Variants in GK observed in about 807,000 individuals in gnomAD.
GK encodes glycerol kinase, also known as ATP:glycerol 3-phosphotransferase.
Under a neutral mutation model 56.4 loss-of-function variants are expected in GK, and 9 were observed. That is an observed-to-expected ratio of 0.16 (90% confidence interval 0.10 to 0.28). The LOEUF (loss-of-function observed/expected upper bound fraction) is 0.28, where lower values mean the gene tolerates loss of function less well. GK is among the 10% of genes least tolerant of loss of function. The pLI, the probability that GK is intolerant of heterozygous loss-of-function variation, is 1.00. For synonymous variants in GK, 104 were observed against 144.1 expected (o/e 0.72, Z 1.99); for missense variants, 161 against 431.4 (o/e 0.37, Z 5.55).
At chrX:30,722,789 G>T (rs191649234) in intron 18 of GK, among the ~76,000 whole-genome samples, 5 of 110,749 alleles carry the variant, frequency 4.5e-5, no homozygotes, top group African/African-American at 9.9e-5. Context: ...GAAGAGAGAG[G>T]GGGGGATAGA....
At chrX:30,699,194 T>A (rs867487051) in intron 9 of GK, among the ~76,000 whole-genome samples, 2 of 98,370 alleles carry the variant, frequency 2.0e-5, no homozygotes, top group Non-Finnish European at 4.0e-5. Flanking sequence ...TATATATGTT[T>A]TATATATATG....
At chrX:30,677,304 A>G (rs1933973984) in intron 3 of GK, 71 bp from the exon 4 acceptor site, 1 of 585,635 alleles carries the variant, frequency 1.7e-6, no homozygotes, top group Non-Finnish European at 3.1e-6. Flanking sequence ...GTAAGATGAG[A>G]GCTGTTTTCC....
At chrX:30,716,987 C>T (rs1936660453) in intron 13 of GK, among the ~76,000 whole-genome samples, 1 of 111,827 alleles carries the variant, frequency 8.9e-6, no homozygotes, top group South Asian at 3.7e-4. Context: ...AATGTATAAA[C>T]AGAACAATTG....
intron 4 of GK, among the ~76,000 whole-genome samples, chrX:30,679,722 A>G (rs911352680): frequency 1.8e-5 from 2 of 111,823 alleles, no homozygotes; most frequent in African/African-American, 3.3e-5. Flanking sequence ...TCAAATGTTC[A>G]TAGGATATGA....
At chrX:30,655,902 C>G (rs773366453) in intron 1 of GK, among the ~76,000 whole-genome samples, 5 of 112,142 alleles carry the variant, frequency 4.5e-5, no homozygotes, top group Non-Finnish European at 9.4e-5. Flanking sequence ...CTCCTGTTTA[C>G]TGGGTTCTGT....
chrX:30,715,379 A>C (rs1936565448), intron 13 of GK, among the ~76,000 whole-genome samples: 1 of 112,263 alleles, frequency 8.9e-6, no homozygotes, highest in Admixed American at 9.4e-5. Context: ...TAGTTTTAAA[A>C]TAATTTATTC....
At chrX:30,671,552 A>T (rs1933508129) in intron 3 of GK, 1 of 111,785 alleles carries the variant, frequency 8.9e-6, no homozygotes, top group African/African-American at 3.3e-5. Context: ...CTGAAGAGTG[A>T]TATCATTTAT....
At chrX:30,717,675 C>G (rs193213151) in intron 13 of GK, among the ~76,000 whole-genome samples, 287 of 111,960 alleles carry the variant, frequency 2.6e-3, no homozygotes, top group Non-Finnish European at 4.2e-3. Flanking sequence ...TTTCATAGTC[C>G]AATAATACTC....
At position 30,696,030 on chromosome X, in the gene GK, T is replaced by C. The variant is rs765935630; in HGVS notation, c.553-12T>C. On this transcript the variant is annotated splice_polypyrimidine_tract_variant and intron_variant, in intron 6 of 20. Coordinates refer to ENST00000427190, the MANE Select transcript of GK (RefSeq NM_001205019.2). ...AAGTACAAATTTAACCTGATTTTTT[T>C]ACTCTGCCTAGAGTTTGACAGGAGG... The C allele has an allele frequency of 6.1e-5, 58 of 944,414 alleles. No homozygotes were observed. Among genetic ancestry groups the C allele is most frequent in the Non-Finnish European group, 8.9e-5 (58 of 653,609 alleles). 77.8% of individuals were successfully genotyped at this position (944,414 alleles called of 1,213,427 possible). A position where few individuals can be genotyped will look rare whatever the true frequency, so the allele number is the denominator to read the frequency against.
intron 18 of GK, chrX:30,721,826 C>T (rs1021235845): frequency 8.9e-6 from 1 of 112,653 alleles, no homozygotes; most frequent in East Asian, 2.8e-4. Context: ...TAAGCTAAGC[C>T]ACAAGCTGTG....
rs773343584 is a variant in GK, at chrX:30,711,966, CAG to C, written c.975+3835_975+3836del. 2.4e-4 allele frequency among the ~76,000 whole-genome samples: 27 copies of C among 111,170 alleles called. No homozygotes were observed. In the East Asian group the frequency reaches 7.3e-3, roughly 30 times the overall value. Reference sequence around the variant, plus strand: ...CACTTAAATGTGCAGCCCTGAACACCAGAGTTTAGTTTTGCATGTGTTTAATA... The same window carrying C: ...CACTTAAATGTGCAGCCCTGAACACCAGTTTAGTTTTGCATGTGTTTAATA... On this transcript the variant is annotated intron_variant, in intron 13 of 20. Coordinates refer to ENST00000427190, the MANE Select transcript of GK (RefSeq NM_001205019.2).
At chrX:30,693,950 T>A (rs1294895084) in intron 5 of GK, among the ~76,000 whole-genome samples, 1 of 112,150 alleles carries the variant, frequency 8.9e-6, no homozygotes, top group Non-Finnish European at 1.9e-5. Flanking sequence ...TAAAATATAT[T>A]ATTAAGTCTT....
intron 2 of GK, among the ~76,000 whole-genome samples, chrX:30,667,396 A>AT (rs1026962153): frequency 9.0e-6 from 1 of 111,127 alleles, no homozygotes; most frequent in East Asian, 2.8e-4. Context: ...TTAGCCTTTC[A>AT]TCCTTCTGAG....
rs1034744078 is a variant in GK at position 30,653,465 on chromosome X, C to G, written c.-73C>G. 1 of 944,373 alleles carries G rather than the reference C, an allele frequency of 1.1e-6. No individual in the cohort carries two copies. Among genetic ancestry groups the G allele is most frequent in the Admixed American group, 2.2e-5 (1 of 45,470 alleles). 77.8% of individuals were successfully genotyped at this position (944,373 alleles called of 1,213,427 possible). ...GCGGCCTCGATCTCTGGACTCGTCACCTGCCCCTCCCCCTCCCGCCGCCGT... is the reference window on the plus strand; with the variant it reads ...GCGGCCTCGATCTCTGGACTCGTCAGCTGCCCCTCCCCCTCCCGCCGCCGT... On this transcript the variant is annotated 5_prime_UTR_variant, in exon 1 of 21. Coordinates refer to ENST00000427190, the MANE Select transcript of GK (RefSeq NM_001205019.2).
At chrX:30,712,566 T>A (rs192075738) in intron 13 of GK, among the ~76,000 whole-genome samples, 1 of 110,329 alleles carries the variant, frequency 9.1e-6, no homozygotes, top group Non-Finnish European at 1.9e-5. Context: ...CTTTTTTTTT[T>A]ATTCTTAGTT....
At chrX:30,674,686 A>G (rs1416451111) in intron 3 of GK, among the ~76,000 whole-genome samples, 1 of 110,947 alleles carries the variant, frequency 9.0e-6, no homozygotes, top group African/African-American at 3.3e-5. Flanking sequence ...AAAAATATAT[A>G]TATATATAAA....
intron 3 of GK, among the ~76,000 whole-genome samples, chrX:30,672,825 T>A (rs1933628436): frequency 9.0e-6 from 1 of 111,185 alleles, no homozygotes; most frequent in Non-Finnish European, 1.9e-5. Context: ...AAAAAAAAAA[T>A]GAAAATAAAA....
At chrX:30,695,187 C>A in intron 6 of GK, 1 of 903,774 alleles carries the variant, frequency 1.1e-6, no homozygotes, top group Non-Finnish European at 1.4e-6. Context: ...GAAATATTGT[C>A]CCCACTCTCA....
intron 1 of GK, among the ~76,000 whole-genome samples, chrX:30,658,596 G>A (rs1229733398): frequency 8.9e-6 from 1 of 112,607 alleles, no homozygotes; most frequent in Non-Finnish European, 1.9e-5. Context: ...GATTACAGGC[G>A]TGAGCCACCA....
Sources: gnomAD v4.1 joint callset for allele counts (sites outside exome capture counted in the v4.1 genomes callset) on GRCh38, gnomAD v4.1.1 for gene constraint, MANE v1.5 for transcripts, NCBI Gene and HGNC (gene_info 2026-07-23, HGNC 2026-07-21) for gene names.